Variants in MED24 observed in about 807,000 individuals in gnomAD.
MED24 encodes the protein mediator of RNA polymerase II transcription subunit 24.
A neutral mutation model predicts 118.8 loss-of-function variants in MED24; 74 were observed. The ratio of observed to expected loss-of-function variants is 0.62; its 90% CI spans 0.52 to 0.76. The LOEUF is 0.76. Ranked by LOEUF, MED24 falls within the 30% of genes least tolerant of loss-of-function variation. The pLI, the probability that MED24 is intolerant of heterozygous loss-of-function variation, is 0.00. For missense variants in MED24, 1,041 were observed against 1,278.9 expected, an observed-to-expected ratio of 0.81 and a Z score of 2.84; for synonymous variants, 521 against 523.9, an observed-to-expected ratio of 0.99 and a Z score of 0.08.
rs1983453482 is a variant in MED24 at position 40,032,100 on chromosome 17, G to T, written c.937-10C>A. 2 of 1,613,532 alleles carry T rather than the reference G, an allele frequency of 1.2e-6. No individual in the cohort carries two copies. On this transcript the variant is annotated splice_polypyrimidine_tract_variant and intron_variant, in intron 9 of 25. Transcript: ENST00000394128. ...CCAAAACCTGTGGAATCTAGGGGGTGAGGCAGGGGGAAAAACAGGAAGATC... is the reference window on the plus strand; with the variant it reads ...CCAAAACCTGTGGAATCTAGGGGGTTAGGCAGGGGGAAAAACAGGAAGATC...
chr17:40,039,900 C>T (rs536879564), intron 3 of MED24, among the ~76,000 whole-genome samples: 10 of 151,614 alleles, frequency 6.6e-5, no homozygotes, highest in African/African-American at 1.9e-4. Context: ...TCTCCTGCCT[C>T]AGCCTCCCGA....
At chr17:40,025,407 G>A (rs2144874806) in intron 19 of MED24, among the ~76,000 whole-genome samples, 1 of 152,278 alleles carries the variant, frequency 6.6e-6, no homozygotes, top group South Asian at 2.1e-4. Context: ...ATTTGAGGTT[G>A]CAGTGAGACT....
chr17:40,034,515 C>A (rs559017978), intron 6 of MED24, among the ~76,000 whole-genome samples: 1 of 152,324 alleles, frequency 6.6e-6, no homozygotes, highest in East Asian at 1.9e-4. Context: ...GACCCCATTG[C>A]TGGAAATACT....
chr17:40,053,165 G>C, intron 3 of MED24, 133 bp downstream of exon 3: 1 of 845,694 alleles, frequency 1.2e-6, no homozygotes, highest in African/African-American at 1.7e-5. Flanking sequence ...GAACTCCTGG[G>C]CTCAAGCAAT....
rs192094385 is a variant in MED24 at position 40,020,607 on chromosome 17, C to T, written c.2624-254G>A. 5.3e-4 allele frequency: 331 copies of T among 620,924 alleles called. 2 individuals are homozygous for T. Among genetic ancestry groups the T allele is most frequent in the African/African-American group, 5.3e-3 (283 of 53,680 alleles). 38.5% of individuals were successfully genotyped at this position (620,924 alleles called of 1,614,324 possible). ...GTTTGAGACCAGCCTTGGCAACTAG[C>T]GAGACCTCATCTCTACAAAAAATAC... On this transcript the variant is annotated intron_variant, in intron 23 of 25. Transcript: ENST00000394128.
intron 3 of MED24, among the ~76,000 whole-genome samples, 200 bp downstream of exon 3, chr17:40,053,098 A>C (rs763132784): frequency 1.5e-4 from 23 of 151,950 alleles, no homozygotes; most frequent in Middle Eastern, 3.4e-3. Context: ...ACGCAGGGGT[A>C]ACTCTTTGTA....
At position 40,021,959 on chromosome 17, in the gene MED24, G is replaced by A; in HGVS notation, c.2619C>T (p.Ser873=). 1.3e-6 allele frequency: 2 copies of A among 1,596,774 alleles called. No individual in the cohort carries two copies. The highest frequency in any genetic ancestry group is 1.8e-5 in the Admixed American group (1 of 56,830). ...SNEDDANILS[S]PTDRSMSSSL... is the part of the protein sequence containing the mutation. ...GCGGCCAGCCCACACACTCACTGGGGCTCGAAAGGATGTTGGCATCGTCCT... is the reference window on the plus strand; with the variant it reads ...GCGGCCAGCCCACACACTCACTGGGACTCGAAAGGATGTTGGCATCGTCCT... Residue 873 remains serine, a synonymous_variant, in exon 23 of 26, where the codon AGC becomes AGT. Coordinates refer to ENST00000394128, the MANE Select transcript of MED24 (RefSeq NM_014815.4).
chr17:40,026,070 A>T, intron 19 of MED24, 86 bp downstream of exon 19: 2 of 1,419,242 alleles, frequency 1.4e-6, no homozygotes, highest in Non-Finnish European at 1.9e-6. Context: ...TGCGAAGGTC[A>T]GAAAAGAGAG....
intron 8 of MED24, 122 bp from the exon 9 acceptor site, chr17:40,032,884 G>A (rs1983545753): frequency 7.6e-7 from 1 of 1,310,488 alleles, no homozygotes; most frequent in Non-Finnish European, 1.1e-6. Context: ...GCTATGTGCT[G>A]AGAACCAGGG....
At position 40,027,249 on chromosome 17, in the gene MED24, G is replaced by T. The variant is rs57029590; in HGVS notation, c.1530+134C>A. On this transcript the variant is annotated intron_variant, in intron 16 of 25. Transcript: ENST00000394128. ...AAGGTGCCTCTACGGACTCCAGCCC[G>T]GGTGGGCACCTGGTTTCTGAGGCCC... 1,283 of 1,164,266 alleles carry T rather than the reference G, an allele frequency of 1.1e-3. 12 individuals are homozygous for T. In the African/African-American group the frequency reaches 0.018, roughly 16 times the overall value. 72.1% of individuals were successfully genotyped at this position (1,164,266 alleles called of 1,614,324 possible). A position where few individuals can be genotyped will look rare whatever the true frequency, so the allele number is the denominator to read the frequency against.
At chr17:40,023,486 A>C in intron 19 of MED24, 91 bp from the exon 20 acceptor site, 1 of 1,313,234 alleles carries the variant, frequency 7.6e-7, no homozygotes, top group South Asian at 1.4e-5. Context: ...TTTCCCTTGG[A>C]CTTAGGTTAC....
intron 3 of MED24, among the ~76,000 whole-genome samples, chr17:40,042,623 G>A (rs747608574): frequency 6.6e-5 from 10 of 152,040 alleles, no homozygotes; most frequent in Non-Finnish European, 1.5e-4. Context: ...AGGTTGCACT[G>A]AGCCGAGATC....
chr17:40,050,784 G>C (rs1011906095), intron 3 of MED24, among the ~76,000 whole-genome samples: 5 of 152,156 alleles, frequency 3.3e-5, no homozygotes, highest in African/African-American at 1.2e-4. Context: ...TTCACTACTA[G>C]GGTAATGGGT....
chr17:40,041,577 A>C (rs572945426), intron 3 of MED24, among the ~76,000 whole-genome samples: 21 of 152,234 alleles, frequency 1.4e-4, no homozygotes, highest in Non-Finnish European at 2.4e-4. Context: ...TTGATACCCC[A>C]CAGTCTTCTT....
chr17:40,021,972 T>C lies in MED24; in HGVS notation c.2606A>G (p.Asn869Ser), dbSNP rs1982071394. 1 of 1,604,696 alleles carries C rather than the reference T, an allele frequency of 6.2e-7. No individual in the cohort carries two copies. The highest frequency in any genetic ancestry group is 1.3e-5 in the African/African-American group (1 of 74,446). Residue 869 changes from asparagine (N) to serine (S), a missense_variant, in exon 23 of 26, where the codon AAC becomes AGC. Physicochemically the swap from Asn to Ser is conservative, Grantham distance 46. Transcript: ENST00000394128. ...RLLSSNEDDANILSSPTDRSM... is the reference protein window; with the variant it reads ...RLLSSNEDDASILSSPTDRSM... ...ACACTCACTGGGGCTCGAAAGGATGTTGGCATCGTCCTCATTAGAGCTCAG... is the reference window on the plus strand; with the variant it reads ...ACACTCACTGGGGCTCGAAAGGATGCTGGCATCGTCCTCATTAGAGCTCAG...
chr17:40,052,909 T>C (rs537660033), intron 3 of MED24, among the ~76,000 whole-genome samples: 2 of 152,180 alleles, frequency 1.3e-5, no homozygotes, highest in African/African-American at 4.8e-5. Flanking sequence ...AAGCTGACAA[T>C]TGTACAACTG....
chr17:40,028,061 T>G (rs1982913769), intron 14 of MED24, 115 bp from the exon 15 acceptor site: 1 of 1,070,672 alleles, frequency 9.3e-7, no homozygotes, highest in Non-Finnish European at 1.4e-6. Context: ...CTGGTTAAAC[T>G]TAAAATGAGA....
At chr17:40,027,775 T>C (rs1162422398) in intron 15 of MED24, 134 bp downstream of exon 15, 1 of 989,932 alleles carries the variant, frequency 1.0e-6, no homozygotes, top group Non-Finnish European at 1.6e-6. Flanking sequence ...TGTGGAAGCT[T>C]CCATTGGTCA....
chr17:40,029,987 G>T (rs1302380303), intron 12 of MED24, 128 bp from the exon 13 acceptor site: 3 of 745,980 alleles, frequency 4.0e-6, no homozygotes, highest in Non-Finnish European at 6.8e-6. Context: ...CTCCGAGGTT[G>T]GGGTGAAGTT....
Sources: allele counts gnomAD v4.1 joint callset (sites outside exome capture counted in the v4.1 genomes callset), GRCh38; gene constraint gnomAD v4.1.1; transcripts MANE v1.5; gene names NCBI Gene and HGNC (gene_info 2026-07-23, HGNC 2026-07-21).